Variants in DSCAML1 observed in about 807,000 individuals in gnomAD.
DSCAML1 encodes the protein DS cell adhesion molecule like 1.
DSCAML1 carries 38 observed loss-of-function variants against 200.5 expected under a neutral mutation model. That is an observed-to-expected ratio of 0.19 (90% CI 0.15 to 0.25). The LOEUF (loss-of-function observed/expected upper bound fraction) is 0.25, where lower values mean the gene tolerates loss of function less well. Among genes scored for constraint, DSCAML1 ranks in the 10% least tolerant of loss-of-function variants. The pLI is 1.00. For synonymous variants in DSCAML1, 1,215 were observed against 1,165.0 expected (o/e 1.04, Z -0.87); for missense variants, 2,223 against 2,858.8 (o/e 0.78, Z 5.07).
In DSCAML1 at chr11:117,720,583, C is replaced by T. The variant is rs569535736; in HGVS notation, c.511+56208G>A. Among the ~76,000 whole-genome samples the T allele has an allele frequency of 7.9e-5, 12 of 152,358 alleles. No individual in the cohort carries two copies. In the South Asian group the frequency reaches 2.5e-3, roughly 32 times the overall value. ...CTTGCACTTGCAAACTCCATGCTTC[C>T]TCCTCCTTCTCACTTCCCAAAGAAT... On this transcript the variant is annotated intron_variant, in intron 3 of 32. Transcript: ENST00000651296.
At chr11:117,762,166 T>A (rs1252154779) in intron 3 of DSCAML1, among the ~76,000 whole-genome samples, 2 of 152,294 alleles carry the variant, frequency 1.3e-5, no homozygotes, top group East Asian at 3.9e-4. Flanking sequence ...CTGTCACAAG[T>A]ATAAAATGAG....
intron 3 of DSCAML1, among the ~76,000 whole-genome samples, chr11:117,566,569 T>A (rs1208436308): frequency 4.6e-5 from 7 of 151,646 alleles, no homozygotes; most frequent in South Asian, 2.1e-4. Context: ...TTTTTGTTTG[T>A]TTTATTTATT....
intron 18 of DSCAML1, 81 bp downstream of exon 18, chr11:117,461,369 A>G: frequency 1.3e-6 from 2 of 1,584,386 alleles, no homozygotes; most frequent in Non-Finnish European, 8.6e-7. Context: ...GAGGATGCTC[A>G]GCTCTAACTA....
In DSCAML1 at chr11:117,432,378, T is replaced by C. The variant is rs1475928568; in HGVS notation, c.5153A>G (p.Asp1718Gly). The C allele has an allele frequency of 6.2e-7, 1 of 1,613,814 alleles. No homozygotes were observed. Among genetic ancestry groups the C allele is most frequent in the Non-Finnish European group, 8.5e-7 (1 of 1,179,984 alleles). Residue 1718 changes from aspartate (D) to glycine (G), a missense_variant, in exon 30 of 33, where the codon GAC becomes GGC. Transcript: ENST00000651296. ...GGTTCCTGGCCGGATGTCAGACATG[T>C]CGATGAGGGGTCCTGTGCTCTGGAT... is the stretch of plus-strand genomic sequence containing the variant. ...TLIQSTGPLI[D>G]MSDIRPGTNP... is the part of the protein sequence containing the mutation.
Position 117,658,118 on chromosome 11 carries a change from T to G in DSCAML1, c.511+118673A>C, listed in dbSNP as rs2137636814. Among the ~76,000 whole-genome samples the G allele has an allele frequency of 2.0e-5, 3 of 152,270 alleles. No individual in the cohort carries two copies. In the South Asian group the frequency reaches 6.2e-4, roughly 32 times the overall value. Reference sequence around the variant, plus strand: ...TTGACAACAAAGGCTTCGTGGTGACTGGAGTCACAAGGCTGTCTTTACAAG... The same window carrying G: ...TTGACAACAAAGGCTTCGTGGTGACGGGAGTCACAAGGCTGTCTTTACAAG... On this transcript the variant is annotated intron_variant, in intron 3 of 32. Transcript: ENST00000651296.
At position 117,667,871 on chromosome 11, in the gene DSCAML1, T is replaced by C. The variant is rs556182150; in HGVS notation, c.511+108920A>G. Among the ~76,000 whole-genome samples, 3 of 152,330 alleles carry C rather than the reference T, an allele frequency of 2.0e-5. No homozygotes were observed. In the South Asian group the frequency reaches 6.2e-4, roughly 32 times the overall value. On this transcript the variant is annotated intron_variant, in intron 3 of 32. Coordinates refer to ENST00000651296, the MANE Select transcript of DSCAML1 (RefSeq NM_020693.4). ...TATCCGAACACATCGAAGGCAGATT[T>C]GTGTTTGTAATTCTTGCAGTGGAGA...
chr11:117,741,212 T>C (rs1324848705), intron 3 of DSCAML1, among the ~76,000 whole-genome samples: 1 of 152,240 alleles, frequency 6.6e-6, no homozygotes, highest in Admixed American at 6.5e-5. Flanking sequence ...CAGAACTCCT[T>C]ACATCTAGGT....
chr11:117,439,876 C>T lies in DSCAML1; in HGVS notation c.3923G>A (p.Arg1308Gln), dbSNP rs368257639. 129 of 1,614,060 alleles carry T rather than the reference C, an allele frequency of 8.0e-5. No individual in the cohort carries two copies. The highest frequency in any genetic ancestry group is 1.1e-4 in the African/African-American group (8 of 74,918). ...TVTTPWMKDV[R>Q]LPCNSVGDPA... ...ATCTCCCACTGAATTGCAAGGCAGCCGAACATCTTTCATCCAAGGTGTTGT... is the reference window on the plus strand; with the variant it reads ...ATCTCCCACTGAATTGCAAGGCAGCTGAACATCTTTCATCCAAGGTGTTGT... Residue 1308 changes from arginine (R) to glutamine (Q), a missense_variant, in exon 22 of 33, where the codon CGG becomes CAG. Around this residue, in one of 7 missense-constraint regions of DSCAML1, gnomAD observed 614 missense variants for 739.1 expected, o/e 0.83. Coordinates refer to ENST00000651296, the MANE Select transcript of DSCAML1 (RefSeq NM_020693.4).
At chr11:117,461,311 T>C in intron 18 of DSCAML1, 139 bp downstream of exon 18, 1 of 1,256,176 alleles carries the variant, frequency 8.0e-7, no homozygotes, top group Non-Finnish European at 1.1e-6. Context: ...CCCCGTGGTC[T>C]CCCCGTGTGG....
rs560711399 is a variant in DSCAML1, at chr11:117,636,216, AC to A, written c.512-103695del. On this transcript the variant is annotated intron_variant, in intron 3 of 32. Coordinates refer to ENST00000651296, the MANE Select transcript of DSCAML1 (RefSeq NM_020693.4). ...CGAGCCTTTCATCTGCATGATGGCT[AC>A]ATTGCATCGAATTACATCCATATGT... is the stretch of plus-strand genomic sequence containing the variant. 1.2e-3 allele frequency among the ~76,000 whole-genome samples: 180 copies of A among 152,328 alleles called. 2 individuals carry two copies. The highest frequency in any genetic ancestry group is 3.4e-3 in the Middle Eastern group (1 of 294).
chr11:117,786,828 TG>T (rs34752555), intron 1 of DSCAML1, among the ~76,000 whole-genome samples: 1 of 152,152 alleles, frequency 6.6e-6, no homozygotes, highest in African/African-American at 2.4e-5. Context: ...CTGCCAGCAC[TG>T]GGGCCCCTGC....
chr11:117,519,487 G>A (rs558225431), intron 6 of DSCAML1, among the ~76,000 whole-genome samples: 3 of 152,192 alleles, frequency 2.0e-5, no homozygotes, highest in South Asian at 4.1e-4. Context: ...CCATCCTTCC[G>A]CACAGGATTG....
chr11:117,751,620 T>C (rs2054606918), intron 3 of DSCAML1, among the ~76,000 whole-genome samples: 1 of 152,076 alleles, frequency 6.6e-6, no homozygotes, highest in African/African-American at 2.4e-5. Context: ...CATCTTTCAG[T>C]GATGCTCTTA....
At chr11:117,479,046 T>G (rs2048855013) in intron 14 of DSCAML1, among the ~76,000 whole-genome samples, 1 of 152,238 alleles carries the variant, frequency 6.6e-6, no homozygotes, top group Non-Finnish European at 1.5e-5. Context: ...TGAATGCAGC[T>G]CAGAGATTTG....
At chr11:117,764,948 T>C (rs1468195812) in intron 3 of DSCAML1, among the ~76,000 whole-genome samples, 1 of 152,216 alleles carries the variant, frequency 6.6e-6, no homozygotes, top group African/African-American at 2.4e-5. Context: ...TCCACCCACA[T>C]GCACGGCCGC....
At chr11:117,806,046 T>C (rs959853986) in intron 1 of DSCAML1, among the ~76,000 whole-genome samples, 1 of 152,336 alleles carries the variant, frequency 6.6e-6, no homozygotes, top group East Asian at 1.9e-4. Flanking sequence ...TCCTAGGCCC[T>C]GTTGCCTTCA....
At position 117,498,582 on chromosome 11, in the gene DSCAML1, A is replaced by C. The variant is rs1376291940; in HGVS notation, c.2359+5263T>G. On this transcript the variant is annotated intron_variant, in intron 11 of 32. Transcript: ENST00000651296. The surrounding 1 kb of genome is among the most constrained non-coding windows in gnomAD (Gnocchi z 4.0). ...GACAAGAAGGAGTTTCCTTTGGGCA[A>C]ATTTGAAATGAGGACCATCTTGGAT... Among the ~76,000 whole-genome samples, 3 of 152,074 alleles carry C rather than the reference A, an allele frequency of 2.0e-5. No homozygotes were observed. Among genetic ancestry groups the C allele is most frequent in the Non-Finnish European group, 2.9e-5 (2 of 68,024 alleles).
intron 3 of DSCAML1, among the ~76,000 whole-genome samples, chr11:117,581,999 C>G (rs2051047713): frequency 6.6e-6 from 1 of 152,164 alleles, no homozygotes; most frequent in Non-Finnish European, 1.5e-5. Flanking sequence ...AAGGAGCACA[C>G]CACAGTTCTC....
chr11:117,462,611 C>T (rs73577966), intron 17 of DSCAML1, among the ~76,000 whole-genome samples: 33 of 152,336 alleles, frequency 2.2e-4, no homozygotes, highest in African/African-American at 7.2e-4. Flanking sequence ...TAACGATCCT[C>T]TTTGAGAATG....
Sources: allele counts gnomAD v4.1 joint callset (sites outside exome capture counted in the v4.1 genomes callset), GRCh38; gene constraint gnomAD v4.1.1; regional missense constraint gnomAD v4.1.1; non-coding constraint Gnocchi (gnomAD v3.1); transcripts MANE v1.5; gene names NCBI Gene and HGNC (gene_info 2026-07-23, HGNC 2026-07-21).